Variants in DDX4 observed in about 807,000 individuals in gnomAD.
The protein encoded by DDX4 is probable ATP-dependent RNA helicase DDX4.
A neutral mutation model predicts 100.0 loss-of-function variants in DDX4; 25 were observed. That is an observed-to-expected ratio of 0.25 (90% confidence interval 0.18 to 0.35). The LOEUF (loss-of-function observed/expected upper bound fraction) is 0.35. Among genes scored for constraint, DDX4 ranks in the 10% least tolerant of loss-of-function variants. The pLI is 1.00. For synonymous variants in DDX4, 259 were observed against 275.7 expected, an observed-to-expected ratio of 0.94 and a Z score of 0.60; for missense variants, 635 against 882.4, an observed-to-expected ratio of 0.72 and a Z score of 3.55.
At chr5:55,775,793 A>G (rs1355210621) in intron 7 of DDX4, among the ~76,000 whole-genome samples, 5 of 152,284 alleles carry the variant, frequency 3.3e-5, no homozygotes, top group East Asian at 3.9e-4. Flanking sequence ...AATGCAGACT[A>G]TACCTTCTGG....
rs757557560 is a variant in DDX4, at chr5:55,790,642, A to T, written c.1239A>T (p.Val413=). 2.5e-6 allele frequency: 4 copies of T among 1,608,566 alleles called. No individual in the cohort carries two copies. The highest frequency in any genetic ancestry group is 3.4e-6 in the Non-Finnish European group (4 of 1,174,994). The part of the protein sequence containing the change: ...TQLGHSIRQI[V]QGCNILCATP... Reference sequence around the variant, plus strand: ...TGGGACATTCAATTCGACAAATAGTACAAGGCTGTAATATATTATGTGCTA... The same window carrying T: ...TGGGACATTCAATTCGACAAATAGTTCAAGGCTGTAATATATTATGTGCTA... The change falls in exon 16 of 22, where the codon GTA becomes GTT. Residue 413 remains valine, a synonymous_variant. Transcript: ENST00000505374.
intron 9 of DDX4, 95 bp from the exon 10 acceptor site, chr5:55,781,839 G>A: frequency 7.4e-7 from 1 of 1,359,548 alleles, no homozygotes; most frequent in Non-Finnish European, 1.0e-6. Flanking sequence ...GGATTCCTAA[G>A]TAATAACTTT....
intron 4 of DDX4, among the ~76,000 whole-genome samples, chr5:55,761,677 G>A (rs528672213): frequency 6.6e-6 from 1 of 151,194 alleles, no homozygotes; most frequent in Non-Finnish European, 1.5e-5. Flanking sequence ...GCACAATCTC[G>A]GCTTACTGCA....
intron 10 of DDX4, among the ~76,000 whole-genome samples, chr5:55,784,397 C>G (rs1013659338): frequency 1.3e-5 from 2 of 152,142 alleles, no homozygotes; most frequent in African/African-American, 4.8e-5. Flanking sequence ...GAGGGTCGAT[C>G]TTCTTACTCT....
intron 15 of DDX4, 63 bp from the exon 16 acceptor site, chr5:55,790,513 G>T (rs1742500453): frequency 7.4e-6 from 8 of 1,082,632 alleles, no homozygotes; most frequent in Non-Finnish European, 1.1e-5. Context: ...TTTATATCTT[G>T]TTAGAAACAG....
chr5:55,771,978 A>G (rs1387609854), intron 7 of DDX4, among the ~76,000 whole-genome samples: 1 of 152,172 alleles, frequency 6.6e-6, no homozygotes, highest in Admixed American at 6.6e-5. Context: ...TAATGCCAGC[A>G]CTTTGGGAGG....
At chr5:55,792,573 A>C in intron 16 of DDX4, 68 bp from the exon 17 acceptor site, 2 of 812,854 alleles carry the variant, frequency 2.5e-6, no homozygotes, top group South Asian at 8.5e-5. Context: ...AACAGTTGGA[A>C]TTGTAGAGAA....
intron 3 of DDX4, 95 bp downstream of exon 3, chr5:55,746,316 T>C: frequency 1.8e-6 from 2 of 1,120,046 alleles, no homozygotes; most frequent in Non-Finnish European, 2.5e-6. Context: ...TTGTAGAGGG[T>C]GTTTTAAAAA....
At position 55,785,318 on chromosome 5, in the gene DDX4, A is replaced by G. The variant is rs1373681882; in HGVS notation, c.647A>G (p.Glu216Gly). ...SERGGYKGLN[E>G]EVITGSGKNS... is the part of the protein sequence containing the mutation. ...ATAGGTGGTTACAAAGGTTTAAATG[A>G]AGAAGTAATAACAGGCTCTGGAAAG... Residue 216 changes from glutamate to glycine, a missense_variant, in exon 11 of 22, where the codon GAA becomes GGA. Coordinates refer to ENST00000505374, the MANE Select transcript of DDX4 (RefSeq NM_024415.3). 6.2e-7 allele frequency: 1 copy of G among 1,604,764 alleles called. No homozygotes were observed. Among genetic ancestry groups the G allele is most frequent in the Non-Finnish European group, 8.5e-7 (1 of 1,172,108 alleles).
chr5:55,747,488 A>C (rs1252988312), intron 3 of DDX4, among the ~76,000 whole-genome samples: 1 of 152,264 alleles, frequency 6.6e-6, no homozygotes, highest in East Asian at 1.9e-4. Context: ...TCAAGGCTAC[A>C]GTGAACTATG....
intron 15 of DDX4, among the ~76,000 whole-genome samples, chr5:55,788,661 CTT>C (rs565564332): frequency 6.1e-4 from 93 of 152,218 alleles, no homozygotes; most frequent in African/African-American, 2.1e-3. Flanking sequence ...TTTTTAATGA[CTT>C]TTAAATTGCC....
chr5:55,762,766 T>C (rs1740644249), intron 4 of DDX4, among the ~76,000 whole-genome samples: 1 of 151,978 alleles, frequency 6.6e-6, no homozygotes, highest in Non-Finnish European at 1.5e-5. Context: ...ATGATAAATA[T>C]AAGAAATAGA....
chr5:55,751,565 T>C (rs1226050429), intron 3 of DDX4, among the ~76,000 whole-genome samples: 1 of 152,240 alleles, frequency 6.6e-6, no homozygotes, highest in African/African-American at 2.4e-5. Context: ...TATCTGACTG[T>C]CTCTTCATAT....
At chr5:55,766,444 T>G (rs1012229410) in intron 6 of DDX4, among the ~76,000 whole-genome samples, 10 of 151,886 alleles carry the variant, frequency 6.6e-5, no homozygotes, top group African/African-American at 2.2e-4. Context: ...TTTTGTTTTT[T>G]TTTTTTTTTT....
At chr5:55,781,575 G>A (rs1452515386) in intron 9 of DDX4, among the ~76,000 whole-genome samples, 1 of 151,998 alleles carries the variant, frequency 6.6e-6, no homozygotes, top group Non-Finnish European at 1.5e-5. Flanking sequence ...CCAGGAGTTC[G>A]ACACCAGCGT....
chr5:55,798,895 C>T lies in DDX4; in HGVS notation c.1615+324C>T, dbSNP rs570650965. Among the ~76,000 whole-genome samples the T allele has an allele frequency of 1.5e-3, 232 of 152,224 alleles. 7 individuals are homozygous for T. In the South Asian group the frequency reaches 0.047, roughly 31 times the overall value. ...CACATATTTACATCACACTATTACT[C>T]CATCAAAAGCAGATTGTTTTTCTGT... On this transcript the variant is annotated intron_variant, in intron 18 of 21. Transcript: ENST00000505374.
chr5:55,739,640 T>A (rs1461235665), intron 2 of DDX4, among the ~76,000 whole-genome samples: 2 of 152,200 alleles, frequency 1.3e-5, no homozygotes, highest in African/African-American at 4.8e-5. Flanking sequence ...TTACTTACTA[T>A]ATGGTGTCTC....
At chr5:55,769,097 C>T (rs1038375897) in intron 7 of DDX4, among the ~76,000 whole-genome samples, 3 of 152,034 alleles carry the variant, frequency 2.0e-5, no homozygotes, top group African/African-American at 7.2e-5. Context: ...TAGTTTCTTT[C>T]GTTGTGCAGA....
chr5:55,784,923 A>G (rs1742151442), intron 10 of DDX4, among the ~76,000 whole-genome samples: 1 of 152,168 alleles, frequency 6.6e-6, no homozygotes. Flanking sequence ...TTTTTTCACT[A>G]ATAAATCATA....
Sources: allele counts gnomAD v4.1 joint callset (sites outside exome capture counted in the v4.1 genomes callset), GRCh38; gene constraint gnomAD v4.1.1; transcripts MANE v1.5; gene names NCBI Gene and HGNC (gene_info 2026-07-23, HGNC 2026-07-21).